CDH23: variants seen among roughly 807,000 people sequenced by gnomAD.
CDH23 encodes the protein cadherin related 23, also known as cadherin-23.
CDH23 carries 189 observed loss-of-function variants against 317.1 expected under a neutral mutation model. The ratio of observed to expected loss-of-function variants is 0.60; its 90% CI spans 0.53 to 0.67. The LOEUF (loss-of-function observed/expected upper bound fraction) is 0.67. CDH23 is among the 30% of genes least tolerant of loss of function. The pLI is 0.00. For missense variants in CDH23, 4,401 were observed against 4,592.4 expected, an observed-to-expected ratio of 0.96 and a Z score of 1.20; for synonymous variants, 1,839 against 1,876.8, an observed-to-expected ratio of 0.98 and a Z score of 0.52.
intron 38 of CDH23, chr10:71,760,572 TG>T (rs796167779): frequency 8.4e-5 from 26 of 310,634 alleles, no homozygotes; most frequent in African/African-American, 4.9e-4. Flanking sequence ...CTTAGCTGCC[TG>T]GGGCACCCAG....
At chr10:71,450,932 A>G (rs1378856209) in intron 3 of CDH23, among the ~76,000 whole-genome samples, 1 of 151,792 alleles carries the variant, frequency 6.6e-6, no homozygotes, top group Non-Finnish European at 1.5e-5. Context: ...TCTACTCAAC[A>G]TTTCTGCCTG....
At chr10:71,776,310 A>G (rs1179672852) in intron 38 of CDH23, among the ~76,000 whole-genome samples, 2 of 152,142 alleles carry the variant, frequency 1.3e-5, no homozygotes, top group Non-Finnish European at 2.9e-5. Flanking sequence ...CCATCTGTCC[A>G]TTCTTCCAGT....
chr10:71,593,914 GT>G (rs939473282), intron 9 of CDH23, among the ~76,000 whole-genome samples: 1 of 152,190 alleles, frequency 6.6e-6, no homozygotes, highest in African/African-American at 2.4e-5. Flanking sequence ...GAGGCCAGGA[GT>G]TTAGACCAGC....
chr10:71,474,986 T>G (rs1851713270), intron 3 of CDH23, among the ~76,000 whole-genome samples: 1 of 152,248 alleles, frequency 6.6e-6, no homozygotes, highest in Admixed American at 6.5e-5. Context: ...AGACCCTTGA[T>G]GACTTCAAGT....
intron 11 of CDH23, among the ~76,000 whole-genome samples, chr10:71,625,396 TAAAAAAA>T (rs1156772192): frequency 6.6e-4 from 13 of 19,836 alleles, no homozygotes; most frequent in Admixed American, 2.1e-3. Context: ...CCAAATAAAT[TAAAAAAA>T]AAAAAAAAAA....
At chr10:71,707,582 T>G in intron 26 of CDH23, 1 of 967,174 alleles carries the variant, frequency 1.0e-6, no homozygotes. Flanking sequence ...CAGGGGAAAG[T>G]GAGCTGCAAT....
At chr10:71,662,414 T>C (rs528461721) in intron 14 of CDH23, among the ~76,000 whole-genome samples, 1 of 152,164 alleles carries the variant, frequency 6.6e-6, no homozygotes, top group South Asian at 2.1e-4. Context: ...CCCACTAGAC[T>C]GGGGGCTGCC....
At chr10:71,489,646 G>A (rs1852543957) in intron 3 of CDH23, among the ~76,000 whole-genome samples, 1 of 149,528 alleles carries the variant, frequency 6.7e-6, no homozygotes, top group South Asian at 2.1e-4. Context: ...AATTTTGACT[G>A]TGAGCTACTC....
chr10:71,701,883 GC>G, intron 22 of CDH23, 138 bp from the exon 23 acceptor site: 10 of 846,820 alleles, frequency 1.2e-5, no homozygotes, highest in African/African-American at 3.3e-5. Context: ...ACCGGGCCCA[GC>G]GGGGATGCCC....
intron 37 of CDH23, among the ~76,000 whole-genome samples, chr10:71,741,280 G>A (rs1291256265): frequency 2.6e-5 from 4 of 152,192 alleles, no homozygotes; most frequent in Non-Finnish European, 4.4e-5. Context: ...AATCTGCCCT[G>A]GCATTGCTGG....
intron 38 of CDH23, chr10:71,750,565 T>G (rs1839972284): frequency 1.3e-5 from 2 of 152,328 alleles, no homozygotes; most frequent in African/African-American, 4.8e-5. Flanking sequence ...AGACACCATT[T>G]GCTCACGGAG....
intron 45 of CDH23, 136 bp from the exon 46 acceptor site, chr10:71,790,152 G>C: frequency 8.1e-7 from 1 of 1,238,692 alleles, no homozygotes; most frequent in Non-Finnish European, 1.1e-6. Context: ...CCGCCCCCAG[G>C]GCCTCCCCAC....
chr10:71,777,633 G>A (rs1322905590), intron 38 of CDH23, 47 bp from the exon 39 acceptor site: 2 of 1,543,126 alleles, frequency 1.3e-6, no homozygotes, highest in East Asian at 2.4e-5. Flanking sequence ...ATCCACCTTG[G>A]TCCCTCTGGC....
Position 71,760,189 on chromosome 10 carries a change from A to G in CDH23, c.4846-17491A>G, listed in dbSNP as rs866644347. On this transcript the variant is annotated intron_variant, in intron 38 of 69. Transcript: ENST00000224721. ...TATACATATATATGTGTGTATATAT[A>G]TGTATATACATATATATGTGTGTAT... Among the ~76,000 whole-genome samples, 43 of 62,158 alleles carry G rather than the reference A, an allele frequency of 6.9e-4. 8 individuals are homozygous for G. The highest frequency in any genetic ancestry group is 3.1e-3 in the East Asian group (6 of 1,906). 40.8% of individuals were successfully genotyped at this position (62,158 alleles called of 152,430 possible). A position where few individuals can be genotyped will look rare whatever the true frequency, so the allele number is the denominator to read the frequency against.
chr10:71,415,402 A>C (rs1848493767), intron 1 of CDH23, among the ~76,000 whole-genome samples: 1 of 152,044 alleles, frequency 6.6e-6, no homozygotes, highest in South Asian at 2.1e-4. Context: ...CATCCGTCTC[A>C]TTTTCTTTGT....
intron 55 of CDH23, among the ~76,000 whole-genome samples, chr10:71,805,028 C>T (rs112895493): frequency 0.012 from 1,789 of 152,260 alleles, 15 homozygotes; most frequent in Non-Finnish European, 0.021. Context: ...ATTAATTAGA[C>T]GTAACTGCCA....
intron 3 of CDH23, among the ~76,000 whole-genome samples, chr10:71,476,620 C>T (rs1300883156): frequency 6.6e-6 from 1 of 152,190 alleles, no homozygotes; most frequent in African/African-American, 2.4e-5. Flanking sequence ...TTGTCTGCCC[C>T]TACTTTCAAC....
At chr10:71,660,396 C>T (rs1432230062) in intron 14 of CDH23, among the ~76,000 whole-genome samples, 1 of 152,138 alleles carries the variant, frequency 6.6e-6, no homozygotes, top group African/African-American at 2.4e-5. Context: ...ATACAGATGA[C>T]CAGCCTTGGG....
intron 3 of CDH23, among the ~76,000 whole-genome samples, chr10:71,485,747 A>G (rs181969452): frequency 6.6e-6 from 1 of 152,318 alleles, no homozygotes; most frequent in Admixed American, 6.5e-5. Context: ...AGGTAGGCAC[A>G]TCTGCCATTG....
Sources: allele counts gnomAD v4.1 joint callset (sites outside exome capture counted in the v4.1 genomes callset), GRCh38; gene constraint gnomAD v4.1.1; transcripts MANE v1.5; gene names NCBI Gene and HGNC (gene_info 2026-07-23, HGNC 2026-07-21).